ERBB4: variants seen among roughly 807,000 people sequenced by gnomAD.
ERBB4 encodes the protein erb-b2 receptor tyrosine kinase 4.
In ERBB4, 42 loss-of-function variants were observed where a neutral mutation model predicts 158.0. The ratio of observed to expected loss-of-function variants is 0.27; its 90% CI spans 0.21 to 0.34. The LOEUF is 0.34. ERBB4 is among the 10% of genes least tolerant of loss of function. The pLI, the probability that ERBB4 is intolerant of heterozygous loss-of-function variation, is 1.00. For synonymous variants in ERBB4, 583 were observed against 558.7 expected (o/e 1.04, Z -0.61); for missense variants, 1,333 against 1,624.1 (o/e 0.82, Z 3.08).
intron 1 of ERBB4, among the ~76,000 whole-genome samples, chr2:212,378,775 A>G (rs1182356591): frequency 1.3e-5 from 2 of 152,014 alleles, no homozygotes; most frequent in South Asian, 2.1e-4. Flanking sequence ...TCAAAATTAT[A>G]TCATATGCAT....
chr2:211,753,121 A>G (rs1042029481), intron 4 of ERBB4, among the ~76,000 whole-genome samples: 3 of 151,354 alleles, frequency 2.0e-5, no homozygotes, highest in African/African-American at 7.3e-5. Context: ...CCAATTAGCA[A>G]TTAAGTAAAT....
At chr2:212,115,775 T>C (rs1006206540) in intron 2 of ERBB4, among the ~76,000 whole-genome samples, 2 of 152,064 alleles carry the variant, frequency 1.3e-5, no homozygotes, top group Non-Finnish European at 2.9e-5. Context: ...TTCCAAAGTG[T>C]TGTGATTGCA....
intron 1 of ERBB4, among the ~76,000 whole-genome samples, chr2:212,197,239 A>G (rs2082453525): frequency 6.6e-6 from 1 of 152,202 alleles, no homozygotes; most frequent in Non-Finnish European, 1.5e-5. Flanking sequence ...CAATTGCCTT[A>G]ATTATTATAC....
At chr2:212,221,821 A>T (rs1270552405) in intron 1 of ERBB4, among the ~76,000 whole-genome samples, 5 of 151,434 alleles carry the variant, frequency 3.3e-5, no homozygotes, top group African/African-American at 1.2e-4. Context: ...TCCTAGCACC[A>T]ACACTATAAT....
At chr2:211,852,655 G>C (rs7597246) in intron 3 of ERBB4, among the ~76,000 whole-genome samples, 3 of 138,426 alleles carry the variant, frequency 2.2e-5, no homozygotes, top group African/African-American at 2.6e-5. Context: ...TTTTTTTGCC[G>C]TTGCCATCAC....
rs200040502 is a variant in ERBB4, at chr2:212,373,950, T to TCCATATATATC, written c.82+164498_82+164499insGATATATATGG. Among the ~76,000 whole-genome samples, 15 of 64,584 alleles carry TCCATATATATC rather than the reference T, an allele frequency of 2.3e-4. 2 individuals carry two copies. Among genetic ancestry groups the TCCATATATATC allele is most frequent in the South Asian group, 1.0e-3 (2 of 1,926 alleles). 42.4% of individuals were successfully genotyped at this position (64,584 alleles called of 152,430 possible). On this transcript the variant is annotated intron_variant, in intron 1 of 27. Coordinates refer to ENST00000342788, the MANE Select transcript of ERBB4 (RefSeq NM_005235.3). ...ATATCCATATATATCCATATATATA[T>TCCATATATATC]CATATATATATCCATATATATCCAT...
At chr2:211,791,349 A>C (rs1575153680) in intron 3 of ERBB4, among the ~76,000 whole-genome samples, 1 of 151,944 alleles carries the variant, frequency 6.6e-6, no homozygotes, top group African/African-American at 2.4e-5. Flanking sequence ...CACAAGTTTT[A>C]TCAAAGATTT....
chr2:211,997,903 C>T (rs60735767), intron 2 of ERBB4, among the ~76,000 whole-genome samples: 13,336 of 65,344 alleles, frequency 0.2, 585 homozygotes, highest in Non-Finnish European at 0.33. Flanking sequence ...TTTATACACA[C>T]ACACATCACA....
chr2:212,318,658 C>T (rs2087410185), intron 1 of ERBB4, among the ~76,000 whole-genome samples: 1 of 151,572 alleles, frequency 6.6e-6, no homozygotes, highest in Non-Finnish European at 1.5e-5. Flanking sequence ...CTGAAGCTGA[C>T]TCAGTGGATT....
At chr2:212,297,304 C>T (rs74865692) in intron 1 of ERBB4, among the ~76,000 whole-genome samples, 11,580 of 151,908 alleles carry the variant, frequency 0.076, 527 homozygotes, top group Middle Eastern at 0.11. Context: ...GCACAAAAAC[C>T]ACTTCATTGG....
At chr2:212,452,546 A>C (rs1186117273) in intron 1 of ERBB4, among the ~76,000 whole-genome samples, 3 of 152,180 alleles carry the variant, frequency 2.0e-5, no homozygotes, top group African/African-American at 7.2e-5. Context: ...GTGGGATGAC[A>C]TGAGTAGGAA....
At chr2:211,839,411 T>G (rs926732285) in intron 3 of ERBB4, among the ~76,000 whole-genome samples, 1 of 152,052 alleles carries the variant, frequency 6.6e-6, no homozygotes, top group Middle Eastern at 3.4e-3. Flanking sequence ...ACTTATGAGA[T>G]GGGTATAGAG....
chr2:211,944,139 TATAC>T (rs1254937674), intron 3 of ERBB4, among the ~76,000 whole-genome samples: 39 of 140,320 alleles, frequency 2.8e-4, no homozygotes, highest in Admixed American at 8.1e-4. Flanking sequence ...ATATGTACAC[TATAC>T]ATATACACTA....
intron 1 of ERBB4, among the ~76,000 whole-genome samples, chr2:212,349,684 C>T (rs2089169853): frequency 1.3e-5 from 2 of 152,016 alleles, no homozygotes; most frequent in Non-Finnish European, 2.9e-5. Flanking sequence ...TACAGATATT[C>T]TTGCACATTC....
intron 1 of ERBB4, among the ~76,000 whole-genome samples, chr2:212,222,690 G>A (rs568648494): frequency 1.3e-5 from 2 of 150,952 alleles, no homozygotes; most frequent in South Asian, 2.1e-4. Context: ...AGTCTTTCCT[G>A]ATGGCCTTGA....
At chr2:212,462,123 T>G (rs913962236) in intron 1 of ERBB4, among the ~76,000 whole-genome samples, 1 of 152,122 alleles carries the variant, frequency 6.6e-6, no homozygotes, top group African/African-American at 2.4e-5. Context: ...GAATAAAGAC[T>G]TAAATGGAAG....
chr2:211,715,312 CAA>C (rs1279167364), intron 7 of ERBB4, among the ~76,000 whole-genome samples: 91 of 152,252 alleles, frequency 6.0e-4, no homozygotes. Context: ...TCCACCACAA[CAA>C]AGAGTCACTT....
chr2:211,639,703 C>T (rs2070499317), intron 16 of ERBB4, among the ~76,000 whole-genome samples: 1 of 151,962 alleles, frequency 6.6e-6, no homozygotes, highest in Non-Finnish European at 1.5e-5. Context: ...AGATACAGAG[C>T]AATCTCATTT....
intron 1 of ERBB4, among the ~76,000 whole-genome samples, chr2:212,186,898 T>C (rs1264708474): frequency 6.6e-6 from 1 of 152,184 alleles, no homozygotes; most frequent in Non-Finnish European, 1.5e-5. Context: ...ATCTCCACCA[T>C]TATTTTCTTT....
Sources: allele counts gnomAD v4.1 joint callset (sites outside exome capture counted in the v4.1 genomes callset), GRCh38; gene constraint gnomAD v4.1.1; transcripts MANE v1.5; gene names NCBI Gene and HGNC (gene_info 2026-07-23, HGNC 2026-07-21).